The following MROH9 variants were observed in gnomAD, a reference collection of about 807,000 sequenced individuals.
MROH9 encodes the protein maestro heat-like repeat-containing protein family member 9.
MROH9 carries 92 observed loss-of-function variants against 98.2 expected under a neutral mutation model. That is an observed-to-expected ratio of 0.94 (90% confidence interval 0.79 to 1.11). The LOEUF is 1.11. MROH9 is among the 50% of genes most tolerant of loss of function. The pLI is 0.00. For synonymous variants in MROH9, 397 were observed against 368.9 expected, an observed-to-expected ratio of 1.08 and a Z score of -0.87; for missense variants, 1,057 against 1,014.8, an observed-to-expected ratio of 1.04 and a Z score of -0.57.
intron 20 of MROH9, among the ~76,000 whole-genome samples, chr1:171,041,347 ATG>A (rs377650131): frequency 0.051 from 4,104 of 80,586 alleles, 174 homozygotes; most frequent in African/African-American, 0.13. Flanking sequence ...GTATTCCATG[ATG>A]TGTGTGTGTG....
rs1325001748 is a variant in MROH9 at position 170,989,837 on chromosome 1, GT to G, written c.880-17del. 28 of 1,584,226 alleles carry G rather than the reference GT, an allele frequency of 1.8e-5. No homozygotes were observed. Among genetic ancestry groups the G allele is most frequent in the Non-Finnish European group, 2.2e-5 (26 of 1,157,748 alleles). ...TGGAACAGGAGATTCTTGTTTACCT[GT>G]GGAATTTCTCTTCCAGGTGTCTAAG... On this transcript the variant is annotated splice_polypyrimidine_tract_variant and intron_variant, in intron 10 of 21. Coordinates refer to ENST00000367759, the MANE Select transcript of MROH9 (RefSeq NM_001163629.2).
chr1:171,046,578 T>G (rs767256191), intron 20 of MROH9, among the ~76,000 whole-genome samples: 2 of 152,216 alleles, frequency 1.3e-5, no homozygotes, highest in Non-Finnish European at 2.9e-5. Flanking sequence ...ATCCCTCTGC[T>G]TTTTAACTTT....
chr1:171,027,522 C>T (rs771713546), intron 20 of MROH9, among the ~76,000 whole-genome samples: 11 of 152,144 alleles, frequency 7.2e-5, no homozygotes, highest in Non-Finnish European at 1.5e-4. Flanking sequence ...CATACATGTG[C>T]ACTTGTCTTT....
rs1465982601 is a variant in MROH9 at position 170,998,251 on chromosome 1, A to T, written c.1573A>T (p.Ile525Phe). Residue 525 changes from isoleucine to phenylalanine, a missense_variant, in exon 15 of 22, where the codon ATC becomes TTC. Transcript: ENST00000367759. ...EGPRRSEDTV[I>F]VLIFLTELLN... ...TCCTAGAAGGTCAGAAGACACTGTC[A>T]TCGTATTAATATTCCTCACTGAAGT... 1.2e-6 allele frequency: 2 copies of T among 1,613,516 alleles called. No homozygotes were observed. The highest frequency in any genetic ancestry group is 8.5e-7 in the Non-Finnish European group (1 of 1,179,632).
At chr1:170,946,194 C>A (rs565106065) in intron 2 of MROH9, among the ~76,000 whole-genome samples, 1 of 151,878 alleles carries the variant, frequency 6.6e-6, no homozygotes, top group South Asian at 2.1e-4. Flanking sequence ...TAAATAAATT[C>A]AAAATCTTGT....
At chr1:170,940,494 G>T (rs986761110) in intron 1 of MROH9, among the ~76,000 whole-genome samples, 2 of 152,184 alleles carry the variant, frequency 1.3e-5, no homozygotes, top group East Asian at 1.9e-4. Flanking sequence ...AAGGTGTATT[G>T]CTGGCCTTTC....
At chr1:171,029,749 G>A (rs988392280) in intron 20 of MROH9, among the ~76,000 whole-genome samples, 18 of 152,088 alleles carry the variant, frequency 1.2e-4, no homozygotes, top group South Asian at 4.1e-4. Context: ...TATTGGCTTG[G>A]AGTTTTCCTT....
intron 20 of MROH9, among the ~76,000 whole-genome samples, chr1:171,028,926 G>A (rs1277574955): frequency 1.3e-5 from 2 of 152,136 alleles, no homozygotes; most frequent in Non-Finnish European, 2.9e-5. Context: ...TGAGGTGATG[G>A]AGTTTTCTAA....
chr1:171,047,176 C>T (rs550659553), intron 20 of MROH9, among the ~76,000 whole-genome samples: 1 of 152,034 alleles, frequency 6.6e-6, no homozygotes, highest in South Asian at 2.1e-4. Flanking sequence ...CTTGGTATTC[C>T]ACAACCTTTT....
At chr1:170,963,556 A>G (rs2101895179) in intron 6 of MROH9, among the ~76,000 whole-genome samples, 1 of 152,294 alleles carries the variant, frequency 6.6e-6, no homozygotes, top group East Asian at 1.9e-4. Flanking sequence ...AGCACTATTC[A>G]TAATAGCAAA....
At chr1:171,031,076 G>A (rs182588276) in intron 20 of MROH9, among the ~76,000 whole-genome samples, 53 of 152,220 alleles carry the variant, frequency 3.5e-4, no homozygotes, top group South Asian at 1.4e-3. Flanking sequence ...TGGTTTTAAA[G>A]TCTGTTTTGT....
Position 171,029,247 on chromosome 1 carries a change from G to A in MROH9, c.2281+3827G>A, listed in dbSNP as rs189762789. Among the ~76,000 whole-genome samples the A allele has an allele frequency of 5.7e-4, 87 of 151,506 alleles. No individual in the cohort carries two copies. The Middle Eastern group carries it at 0.01, about 18-fold the overall frequency. On this transcript the variant is annotated intron_variant, in intron 20 of 21. Coordinates refer to ENST00000367759, the MANE Select transcript of MROH9 (RefSeq NM_001163629.2). ...TTGTTTTTTTTTTCGGAGTCTGCTC[G>A]TTGCCCAGGCTGGAGTGCAGTGGCA...
chr1:170,970,092 G>GT (rs1244544322), intron 7 of MROH9, among the ~76,000 whole-genome samples: 1 of 152,086 alleles, frequency 6.6e-6, no homozygotes, highest in African/African-American at 2.4e-5. Flanking sequence ...CACCTAGATA[G>GT]ATCCTAACTG....
chr1:171,024,502 G>A lies in MROH9; in HGVS notation c.2016G>A (p.Val672=). 9.7e-6 allele frequency: 15 copies of A among 1,545,542 alleles called. No homozygotes were observed. Among genetic ancestry groups the A allele is most frequent in the Non-Finnish European group, 1.2e-5 (14 of 1,144,942 alleles). The stretch of plus-strand genomic sequence containing the variant: ...ATGATGTGGTTCTAGAAGGCTTGGT[G>A]CCCCTAATCCTATTTTTGGAGGATG... ...MVNDVVLEGL[V]PLILFLEDDD... Residue 672 remains valine (V), a synonymous_variant, in exon 18 of 22, where the codon GTG becomes GTA. Transcript: ENST00000367759.
chr1:170,974,903 C>G (rs1301670026), intron 8 of MROH9, among the ~76,000 whole-genome samples: 1 of 151,856 alleles, frequency 6.6e-6, no homozygotes, highest in East Asian at 1.9e-4. Flanking sequence ...CTCCTATGCA[C>G]AAAGTTATAA....
chr1:170,941,821 C>T (rs1016499624), intron 1 of MROH9, among the ~76,000 whole-genome samples: 5 of 152,152 alleles, frequency 3.3e-5, no homozygotes, highest in South Asian at 4.1e-4. Flanking sequence ...ACACTCCCGG[C>T]GTGAGGGACT....
At chr1:170,992,905 C>T (rs1436615171) in intron 12 of MROH9, among the ~76,000 whole-genome samples, 2 of 152,160 alleles carry the variant, frequency 1.3e-5, no homozygotes, top group African/African-American at 4.8e-5. Flanking sequence ...GACCTAATCT[C>T]ATTTGTGTCC....
intron 1 of MROH9, among the ~76,000 whole-genome samples, chr1:170,943,017 A>G (rs1199179981): frequency 6.6e-6 from 1 of 152,132 alleles, no homozygotes; most frequent in Non-Finnish European, 1.5e-5. Context: ...CTCCAGGTGA[A>G]AGTCCTGAAA....
chr1:170,972,377 C>G (rs546443877), intron 8 of MROH9, among the ~76,000 whole-genome samples: 98 of 152,108 alleles, frequency 6.4e-4, no homozygotes, highest in Non-Finnish European at 1.3e-3. Context: ...CATTTTAGAA[C>G]AAAGCTTAAG....
Sources: gnomAD v4.1 joint callset for allele counts (sites outside exome capture counted in the v4.1 genomes callset) on GRCh38, gnomAD v4.1.1 for gene constraint, MANE v1.5 for transcripts, NCBI Gene and HGNC (gene_info 2026-07-23, HGNC 2026-07-21) for gene names.